The following RAB8B variants were observed in gnomAD, a reference collection of about 807,000 sequenced individuals.
The protein encoded by RAB8B is RAB8B, member RAS oncogene family.
In RAB8B, 11 loss-of-function variants were observed where a neutral mutation model predicts 32.0. That is an observed-to-expected ratio of 0.34 (90% CI 0.22 to 0.57). The LOEUF is 0.57. Ranked by LOEUF, RAB8B falls within the 20% of genes least tolerant of loss-of-function variation. RAB8B has a pLI of 0.86. For synonymous variants in RAB8B, 103 were observed against 89.6 expected (o/e 1.15, Z -0.85); for missense variants, 190 against 258.5 (o/e 0.73, Z 1.82).
chr15:63,215,814 ATTGT>A (rs778139326), intron 1 of RAB8B, among the ~76,000 whole-genome samples: 2 of 152,098 alleles, frequency 1.3e-5, no homozygotes, highest in Non-Finnish European at 2.9e-5. Flanking sequence ...AGGCAGGATG[ATTGT>A]TTGACCCCAG....
At chr15:63,207,479 T>C (rs2037708250) in intron 1 of RAB8B, among the ~76,000 whole-genome samples, 1 of 152,204 alleles carries the variant, frequency 6.6e-6, no homozygotes, top group Admixed American at 6.5e-5. Context: ...GTCATATATT[T>C]TTTAACCCAT....
chr15:63,205,806 C>T (rs2037693660), intron 1 of RAB8B, among the ~76,000 whole-genome samples: 1 of 152,178 alleles, frequency 6.6e-6, no homozygotes, highest in Admixed American at 6.5e-5. Context: ...CCCAGAAAAG[C>T]ATATTGTAAA....
intron 6 of RAB8B, among the ~76,000 whole-genome samples, chr15:63,261,887 T>C (rs540497169): frequency 3.9e-5 from 6 of 152,192 alleles, no homozygotes; most frequent in African/African-American, 7.2e-5. Context: ...TTAAAAAATA[T>C]TTGGTTTGTA....
intron 1 of RAB8B, among the ~76,000 whole-genome samples, chr15:63,223,405 C>T (rs959497187): frequency 6.6e-6 from 1 of 152,214 alleles, no homozygotes; most frequent in Admixed American, 6.5e-5. Context: ...CCACTGGGCC[C>T]AGCCACCATT....
chr15:63,231,790 A>G (rs1035056451), intron 1 of RAB8B, among the ~76,000 whole-genome samples: 2 of 152,342 alleles, frequency 1.3e-5, no homozygotes, highest in African/African-American at 4.8e-5. Context: ...CTGAACTTTC[A>G]TTCTTTAAGA....
chr15:63,208,087 C>CTT (rs2037714196), intron 1 of RAB8B, among the ~76,000 whole-genome samples: 1 of 152,178 alleles, frequency 6.6e-6, no homozygotes, highest in South Asian at 2.1e-4. Flanking sequence ...ATATTAATCC[C>CTT]TTATCCCTCC....
intron 1 of RAB8B, among the ~76,000 whole-genome samples, chr15:63,217,428 G>A (rs991076364): frequency 1.3e-5 from 2 of 152,154 alleles, no homozygotes; most frequent in African/African-American, 4.8e-5. Context: ...TTCACCATGT[G>A]CCATGTTTTT....
chr15:63,208,646 G>C (rs1352162572), intron 1 of RAB8B, among the ~76,000 whole-genome samples: 2 of 152,070 alleles, frequency 1.3e-5, no homozygotes, highest in Admixed American at 1.3e-4. Context: ...AGAATGGCAG[G>C]TTCCAAGAAC....
intron 3 of RAB8B, among the ~76,000 whole-genome samples, chr15:63,251,025 A>G (rs996981736): frequency 9.9e-5 from 15 of 152,010 alleles, no homozygotes; most frequent in African/African-American, 3.4e-4. Flanking sequence ...CTTGCTCTCC[A>G]GTGTTGGAGT....
At chr15:63,198,584 C>T (rs1350412410) in intron 1 of RAB8B, among the ~76,000 whole-genome samples, 1 of 152,148 alleles carries the variant, frequency 6.6e-6, no homozygotes, top group Non-Finnish European at 1.5e-5. Flanking sequence ...TGTTAAGCAA[C>T]GTGTAGTATT....
intron 1 of RAB8B, among the ~76,000 whole-genome samples, chr15:63,222,864 A>G (rs1355415169): frequency 6.6e-6 from 1 of 151,906 alleles, no homozygotes; most frequent in Admixed American, 6.5e-5. Flanking sequence ...AATGGAGCTA[A>G]AACATTTCTG....
intron 1 of RAB8B, among the ~76,000 whole-genome samples, chr15:63,208,152 C>T (rs1047503890): frequency 1.3e-5 from 2 of 152,180 alleles, no homozygotes; most frequent in Non-Finnish European, 2.9e-5. Flanking sequence ...GTTGGCCTAT[C>T]ATTCCAAACT....
chr15:63,245,547 A>G (rs2038064341), intron 2 of RAB8B, among the ~76,000 whole-genome samples: 1 of 150,890 alleles, frequency 6.6e-6, no homozygotes, highest in Non-Finnish European at 1.5e-5. Context: ...TCTTTTTTTA[A>G]TTTTCTTTTT....
intron 3 of RAB8B, among the ~76,000 whole-genome samples, chr15:63,253,320 A>G (rs929645852): frequency 6.6e-6 from 1 of 152,272 alleles, no homozygotes; most frequent in Middle Eastern, 3.4e-3. Flanking sequence ...GTCTATGTGT[A>G]TATGTGTGTT....
chr15:63,229,450 G>A (rs1279394675), intron 1 of RAB8B, among the ~76,000 whole-genome samples: 1 of 152,126 alleles, frequency 6.6e-6, no homozygotes, highest in Non-Finnish European at 1.5e-5. Context: ...GAGGAAGATA[G>A]GTGCTCACAG....
chr15:63,235,822 A>G (rs1461576475), intron 1 of RAB8B, among the ~76,000 whole-genome samples: 1 of 151,970 alleles, frequency 6.6e-6, no homozygotes, highest in African/African-American at 2.4e-5. Flanking sequence ...ATCTATGTTG[A>G]TAAATATGGC....
intron 1 of RAB8B, among the ~76,000 whole-genome samples, chr15:63,205,992 C>G (rs1050778227): frequency 6.6e-6 from 1 of 152,198 alleles, no homozygotes; most frequent in African/African-American, 2.4e-5. Flanking sequence ...TGTAACTGGC[C>G]TCTTCAGAGC....
At position 63,259,292 on chromosome 15, in the gene RAB8B, T is replaced by G. The variant is rs1205505363; in HGVS notation, c.415-335T>G. ...GTGCCACCACGCCCGGCTAATTTTTTGTATTTTTAGTAGAGGCGGGGTTTC... is the reference window on the plus strand; with the variant it reads ...GTGCCACCACGCCCGGCTAATTTTTGGTATTTTTAGTAGAGGCGGGGTTTC... On this transcript the variant is annotated intron_variant, in intron 5 of 7. Transcript: ENST00000321437. The surrounding 1 kb of genome is among the most constrained non-coding windows in gnomAD (Gnocchi z 4.4). 6.6e-6 allele frequency among the ~76,000 whole-genome samples: 1 copy of G among 151,878 alleles called. No homozygotes were observed. The highest frequency in any genetic ancestry group is 1.5e-5 in the Non-Finnish European group (1 of 67,956).
chr15:63,205,033 C>A (rs1288672635), intron 1 of RAB8B, among the ~76,000 whole-genome samples: 1 of 152,096 alleles, frequency 6.6e-6, no homozygotes, highest in Non-Finnish European at 1.5e-5. Context: ...TATGGTGGCT[C>A]ATGCCTGTAT....
Sources: allele counts gnomAD v4.1 joint callset (sites outside exome capture counted in the v4.1 genomes callset), GRCh38; gene constraint gnomAD v4.1.1; non-coding constraint Gnocchi (gnomAD v3.1); transcripts MANE v1.5; gene names NCBI Gene and HGNC (gene_info 2026-07-23, HGNC 2026-07-21).